COLGALT1: variants seen among roughly 807,000 people sequenced by gnomAD.
COLGALT1 encodes procollagen galactosyltransferase 1.
In COLGALT1, 43 loss-of-function variants were observed where a neutral mutation model predicts 60.8. The ratio of observed to expected loss-of-function variants is 0.71; its 90% CI spans 0.55 to 0.91. The LOEUF (loss-of-function observed/expected upper bound fraction) is 0.91, where lower values mean the gene tolerates loss of function less well. COLGALT1 is among the 40% of genes least tolerant of loss of function. The pLI, the probability that COLGALT1 is intolerant of heterozygous loss-of-function variation, is 0.00. For synonymous variants in COLGALT1, 369 were observed against 374.2 expected, an observed-to-expected ratio of 0.99 and a Z score of 0.16; for missense variants, 845 against 880.0, an observed-to-expected ratio of 0.96 and a Z score of 0.50.
chr19:17,579,819 G>A (rs988765036), intron 10 of COLGALT1: 14 of 625,334 alleles, frequency 2.2e-5, no homozygotes, highest in Middle Eastern at 4.4e-4. Flanking sequence ...TCCTACGGGC[G>A]TGGCCACAGC....
intron 2 of COLGALT1, 149 bp from the exon 3 acceptor site, chr19:17,560,199 C>A: frequency 1.6e-6 from 1 of 625,026 alleles, no homozygotes; most frequent in Non-Finnish European, 2.8e-6. Flanking sequence ...ACTTCTCTTT[C>A]CTCGTCGTTT....
In COLGALT1 at chr19:17,572,568, C is replaced by T. The variant is rs137936254; in HGVS notation, c.915C>T (p.Ala305=). The T allele has an allele frequency of 2.9e-5, 46 of 1,614,000 alleles. No individual in the cohort carries two copies. Among genetic ancestry groups the T allele is most frequent in the Middle Eastern group, 1.6e-4 (1 of 6,084 alleles). Residue 305 remains alanine, a synonymous_variant, in exon 6 of 12, where the codon GCC becomes GCT. Coordinates refer to ENST00000252599, the MANE Select transcript of COLGALT1 (RefSeq NM_024656.4). The part of the protein sequence containing the change: ...LRAHSTLQDE[A]ESFMHVQLEV... Reference sequence around the variant, plus strand: ...CCCACAGCACCCTCCAGGATGAGGCCGAGAGCTTCATGCATGTGCAGCTGG... The same window carrying T: ...CCCACAGCACCCTCCAGGATGAGGCTGAGAGCTTCATGCATGTGCAGCTGG...
At position 17,555,959 on chromosome 19, in the gene COLGALT1, G is replaced by A. The variant is rs1196535676; in HGVS notation, c.246G>A (p.Glu82=). 7.3e-7 allele frequency: 1 copy of A among 1,378,578 alleles called. No homozygotes were observed. The highest frequency in any genetic ancestry group is 9.4e-7 in the Non-Finnish European group (1 of 1,066,120). 85.4% of individuals were successfully genotyped at this position (1,378,578 alleles called of 1,614,324 possible). Residue 82 remains glutamate, a synonymous_variant, in exon 1 of 12, where the codon GAG becomes GAA. Transcript: ENST00000252599. ...GALERLRHPR[E]RTALWVATDH... ...TCGAGCGGCTGCGGCACCCGCGGGA[G>A]CGCACGGCGCTATGGTGAGTCGAGC...
intron 6 of COLGALT1, 42 bp from the exon 7 acceptor site, chr19:17,577,153 G>A (rs772041144): frequency 3.1e-6 from 5 of 1,597,202 alleles, no homozygotes; most frequent in East Asian, 2.2e-5. Context: ...AGAGGCTGGA[G>A]GCTCCTTACC....
intron 3 of COLGALT1, among the ~76,000 whole-genome samples, chr19:17,564,986 T>A (rs926383316): frequency 6.6e-6 from 1 of 152,100 alleles, no homozygotes; most frequent in Admixed American, 6.6e-5. Flanking sequence ...TGGCGTTTCG[T>A]GTCTGGTTTC....
intron 6 of COLGALT1, among the ~76,000 whole-genome samples, chr19:17,575,219 T>G (rs1444436950): frequency 6.6e-6 from 1 of 151,966 alleles, no homozygotes; most frequent in Admixed American, 6.6e-5. Flanking sequence ...CTGGCTAATT[T>G]TTTGTATTTT....
rs756861394 is a variant in COLGALT1 at position 17,568,639 on chromosome 19, T to C, written c.755T>C (p.Phe252Ser). 1.2e-6 allele frequency: 2 copies of C among 1,614,176 alleles called. No homozygotes were observed. Among genetic ancestry groups the C allele is most frequent in the East Asian group, 2.2e-5 (1 of 44,878 alleles). Residue 252 changes from phenylalanine (F) to serine (S), a missense_variant, in exon 5 of 12, where the codon TTC (phenylalanine) becomes TCC (serine). Transcript: ENST00000252599. ...AAGGCGGCGTCCAGGAACCTGGCCT[T>C]CTACCCACCTCACCCTGACTACACC... ...LRKAASRNLAFYPPHPDYTWS... is the reference protein window; with the variant it reads ...LRKAASRNLASYPPHPDYTWS...
At chr19:17,564,895 TC>T (rs1364315702) in intron 3 of COLGALT1, among the ~76,000 whole-genome samples, 1 of 152,062 alleles carries the variant, frequency 6.6e-6, no homozygotes, top group African/African-American at 2.4e-5. Context: ...ACTCCCCAAC[TC>T]CCCATTCCTC....
At chr19:17,575,903 A>G (rs111295799) in intron 6 of COLGALT1, among the ~76,000 whole-genome samples, 1 of 152,114 alleles carries the variant, frequency 6.6e-6, no homozygotes, top group Non-Finnish European at 1.5e-5. Flanking sequence ...CCTGTGTCCA[A>G]ATAGGATCAT....
At chr19:17,564,235 G>A (rs575255021) in intron 3 of COLGALT1, among the ~76,000 whole-genome samples, 2 of 151,918 alleles carry the variant, frequency 1.3e-5, no homozygotes, top group African/African-American at 4.8e-5. Flanking sequence ...GTGACAGAGC[G>A]AGACCCTTTC....
chr19:17,562,945 C>T (rs920694870), intron 3 of COLGALT1, among the ~76,000 whole-genome samples: 1 of 152,052 alleles, frequency 6.6e-6, no homozygotes, highest in South Asian at 2.1e-4. Flanking sequence ...AGGAAACAGG[C>T]TGACGGAGGG....
chr19:17,580,729 G>T lies in COLGALT1; in HGVS notation c.1425G>T (p.Glu475Asp), dbSNP rs1263892481. The T allele has an allele frequency of 6.2e-7, 1 of 1,614,018 alleles. No homozygotes were observed. Among genetic ancestry groups the T allele is most frequent in the Non-Finnish European group, 8.5e-7 (1 of 1,180,016 alleles). The change falls in exon 11 of 12, where the codon GAG (glutamate) becomes GAT (aspartate). Residue 475 changes from glutamate to aspartate, a missense_variant. Coordinates refer to ENST00000252599, the MANE Select transcript of COLGALT1 (RefSeq NM_024656.4). The stretch of plus-strand genomic sequence containing the variant: ...TGGGCCGGAAGCGGATGCAGGTGGA[G>T]CACCCCGAGAAGGCTGTGCCTCGCG... ...IYVGRKRMQV[E>D]HPEKAVPRVR...
chr19:17,560,189 A>T lies in COLGALT1; in HGVS notation c.372-159A>T, dbSNP rs569536282. ...ACCTCCGGCCAGGAACATTCTCCCC[A>T]CTTCTCTTTCCTCGTCGTTTACTTT... On this transcript the variant is annotated intron_variant, in intron 2 of 11. Transcript: ENST00000252599. Among the ~76,000 whole-genome samples the T allele has an allele frequency of 4.6e-5, 7 of 151,710 alleles. No individual in the cohort carries two copies. In the East Asian group the frequency reaches 1.4e-3, roughly 30 times the overall value.
chr19:17,568,416 T>C, intron 4 of COLGALT1, 93 bp from the exon 5 acceptor site: 1 of 1,098,344 alleles, frequency 9.1e-7, no homozygotes, highest in East Asian at 2.4e-5. Flanking sequence ...TGCCTGGCTG[T>C]CTGTCTGGTC....
At chr19:17,559,472 C>T (rs1176940909) in intron 2 of COLGALT1, 51 bp downstream of exon 2, 6 of 1,386,052 alleles carry the variant, frequency 4.3e-6, no homozygotes, top group Non-Finnish European at 6.0e-6. Flanking sequence ...CCTCTGCTCA[C>T]ACACCCTCTA....
At position 17,555,756 on chromosome 19, in the gene COLGALT1, C is replaced by G. The variant is rs1473075564; in HGVS notation, c.43C>G (p.Leu15Val). 8.2e-7 allele frequency: 1 copy of G among 1,219,628 alleles called. No individual in the cohort carries two copies. Among genetic ancestry groups the G allele is most frequent in the Admixed American group, 4.4e-5 (1 of 22,976 alleles). 75.6% of individuals were successfully genotyped at this position (1,219,628 alleles called of 1,614,324 possible). A position where few individuals can be genotyped will look rare whatever the true frequency, so the allele number is the denominator to read the frequency against. ...PRAGRRRGQP[L>V]LALLLLLLAP... Reference sequence around the variant, plus strand: ...CGCGGGCCGGCGGCGCGGGCAGCCGCTCCTGGCGCTGCTGCTTCTGCTGCT... The same window carrying G: ...CGCGGGCCGGCGGCGCGGGCAGCCGGTCCTGGCGCTGCTGCTTCTGCTGCT... Residue 15 changes from leucine (L) to valine (V), a missense_variant, in exon 1 of 12, where the codon CTC becomes GTC. Physicochemically the swap from Leu to Val is conservative, Grantham distance 32. Transcript: ENST00000252599.
chr19:17,572,619 A>G lies in COLGALT1; in HGVS notation c.949+17A>G, dbSNP rs369851940. On this transcript the variant is annotated intron_variant, in intron 6 of 11. Transcript: ENST00000252599. The stretch of plus-strand genomic sequence containing the variant: ...AGGTCATGGGTGAGTCTGCCTGCAC[A>G]CCGCCCTGGGAGGTGCCAGGTTGCC... The G allele has an allele frequency of 2.5e-4, 398 of 1,613,344 alleles. No homozygotes were observed. Among genetic ancestry groups the G allele is most frequent in the Non-Finnish European group, 3.1e-4 (365 of 1,179,990 alleles).
At chr19:17,568,985 T>C (rs1396852448) in intron 5 of COLGALT1, among the ~76,000 whole-genome samples, 1 of 152,126 alleles carries the variant, frequency 6.6e-6, no homozygotes, top group African/African-American at 2.4e-5. Context: ...TCCCAACAAT[T>C]TGGCAGGCTA....
chr19:17,568,945 T>G (rs1276172810), intron 5 of COLGALT1, among the ~76,000 whole-genome samples: 1 of 152,076 alleles, frequency 6.6e-6, no homozygotes, highest in African/African-American at 2.4e-5. Context: ...GATCTATTGG[T>G]TGGTCAGGCA....
Sources: gnomAD v4.1 joint callset for allele counts (sites outside exome capture counted in the v4.1 genomes callset) on GRCh38, gnomAD v4.1.1 for gene constraint, MANE v1.5 for transcripts, NCBI Gene and HGNC (gene_info 2026-07-23, HGNC 2026-07-21) for gene names.